ARID1B: variants seen among roughly 807,000 people sequenced by gnomAD.
The protein encoded by ARID1B is AT-rich interactive domain-containing protein 1B.
Under a neutral mutation model 212.3 loss-of-function variants are expected in ARID1B, and 30 were observed. The ratio of observed to expected loss-of-function variants is 0.14; its 90% CI spans 0.11 to 0.19. The LOEUF is 0.19. ARID1B is among the 10% of genes least tolerant of loss of function. The pLI is 1.00. For missense variants in ARID1B, 2,891 were observed against 3,204.0 expected, an observed-to-expected ratio of 0.90 and a Z score of 2.36; for synonymous variants, 1,402 against 1,301.7, an observed-to-expected ratio of 1.08 and a Z score of -1.66.
At chr6:157,077,890 A>G (rs1232150984) in intron 4 of ARID1B, among the ~76,000 whole-genome samples, 1 of 152,204 alleles carries the variant, frequency 6.6e-6, no homozygotes, top group Non-Finnish European at 1.5e-5. Context: ...GGGCTTGCTT[A>G]AGGGTGACTC....
intron 1 of ARID1B, among the ~76,000 whole-genome samples, chr6:156,825,362 CAT>C (rs747651489): frequency 2.0e-5 from 3 of 152,166 alleles, no homozygotes; most frequent in Admixed American, 6.5e-5. Flanking sequence ...TCTGAAGTCT[CAT>C]TGAAAGATAT....
intron 4 of ARID1B, among the ~76,000 whole-genome samples, chr6:156,977,954 G>A (rs979293538): frequency 1.3e-5 from 2 of 152,126 alleles, no homozygotes; most frequent in African/African-American, 4.8e-5. Flanking sequence ...AGGGCTCTGC[G>A]TGGTTTTCCC....
chr6:156,825,228 T>C (rs546995574), intron 1 of ARID1B, among the ~76,000 whole-genome samples: 2 of 152,320 alleles, frequency 1.3e-5, no homozygotes, highest in African/African-American at 4.8e-5. Flanking sequence ...AGTTGTACAT[T>C]TTTAATGCTC....
At chr6:156,890,209 T>TA (rs1787817237) in intron 2 of ARID1B, among the ~76,000 whole-genome samples, 1 of 152,220 alleles carries the variant, frequency 6.6e-6, no homozygotes, top group Non-Finnish European at 1.5e-5. Flanking sequence ...TCTGACCTAC[T>TA]ATTCACTTCA....
intron 4 of ARID1B, among the ~76,000 whole-genome samples, chr6:157,082,882 T>G (rs993456326): frequency 3.3e-5 from 5 of 152,246 alleles, no homozygotes; most frequent in Non-Finnish European, 5.9e-5. Flanking sequence ...GAAGACATTT[T>G]GTTTTTCTAT....
At position 157,184,428 on chromosome 6, in the gene ARID1B, A is replaced by C. The variant is rs1266145434; in HGVS notation, c.3912A>C (p.Pro1304=). ...DTKKQPKLQP[P]SPANSGSLQG... Reference sequence around the variant, plus strand: ...AAAAGCAGCCCAAGCTCCAGCCGCCATCTCCTGGTAAGTGGCGGCGCTGCA... The same window carrying C: ...AAAAGCAGCCCAAGCTCCAGCCGCCCTCTCCTGGTAAGTGGCGGCGCTGCA... Residue 1304 remains proline (P), a synonymous_variant, in exon 13 of 20, where the codon CCA becomes CCC. Coordinates refer to ENST00000636930, the MANE Select transcript of ARID1B (RefSeq NM_001374828.1). 1.2e-6 allele frequency: 2 copies of C among 1,614,052 alleles called. No homozygotes were observed. The highest frequency in any genetic ancestry group is 1.7e-6 in the Non-Finnish European group (2 of 1,180,030).
chr6:156,797,412 T>C (rs1780460021), intron 1 of ARID1B, among the ~76,000 whole-genome samples: 1 of 152,242 alleles, frequency 6.6e-6, no homozygotes, highest in African/African-American at 2.4e-5. Flanking sequence ...ATCGCAGCTA[T>C]TTCTCCAGTC....
rs529055648 is a variant in ARID1B, at chr6:156,791,173, C to T, written c.1791+11702C>T. On this transcript the variant is annotated intron_variant, in intron 1 of 19. Coordinates refer to ENST00000636930, the MANE Select transcript of ARID1B (RefSeq NM_001374828.1). The stretch of plus-strand genomic sequence containing the variant: ...CTGTTAAGATATTTGAGCCAGCTGG[C>T]TGTCAATATGTTGAAGTTTTATTCT... 5.3e-5 allele frequency among the ~76,000 whole-genome samples: 8 copies of T among 152,306 alleles called. No homozygotes were observed. In the East Asian group the frequency reaches 5.8e-4, roughly 11 times the overall value.
At chr6:156,912,870 A>G (rs1227433106) in intron 3 of ARID1B, among the ~76,000 whole-genome samples, 2 of 152,122 alleles carry the variant, frequency 1.3e-5, no homozygotes, top group Non-Finnish European at 2.9e-5. Context: ...CTCCCACCCC[A>G]AACAAAACAA....
rs986239819 is a variant in ARID1B at position 157,159,146 on chromosome 6, G to A, written c.3090-7894G>A. On this transcript the variant is annotated intron_variant, in intron 8 of 19. Coordinates refer to ENST00000636930, the MANE Select transcript of ARID1B (RefSeq NM_001374828.1). ...AGCCCATGTGCTGGGGATCAGCAGG[G>A]AAAAGCTGAAATCAGAATCTCTGAA... 2.0e-5 allele frequency among the ~76,000 whole-genome samples: 3 copies of A among 152,312 alleles called. No individual in the cohort carries two copies. The East Asian group carries it at 5.8e-4, about 29-fold the overall frequency.
chr6:156,778,416 A>G lies in ARID1B; in HGVS notation c.736A>G (p.Lys246Glu), dbSNP rs2114973815. Reference protein sequence around the residue: ...DMEQPQHGGAKDSAAGGQADP... With the variant: ...DMEQPQHGGAEDSAAGGQADP... ...GGAGCAGCCGCAACATGGAGGCGCC[A>G]AGGACAGTGCTGCGGGCGGCCAGGC... The change falls in exon 1 of 20, where the codon AAG becomes GAG. Residue 246 changes from lysine (K) to glutamate (E), a missense_variant. Around this residue, in one of 7 missense-constraint regions of ARID1B, gnomAD observed 1,643 missense variants for 1,544.0 expected, o/e 1.06. Coordinates refer to ENST00000636930, the MANE Select transcript of ARID1B (RefSeq NM_001374828.1). The G allele has an allele frequency of 6.5e-7, 1 of 1,529,824 alleles. No individual in the cohort carries two copies. The highest frequency in any genetic ancestry group is 8.7e-7 in the Non-Finnish European group (1 of 1,143,512). 94.8% of individuals were successfully genotyped at this position (1,529,824 alleles called of 1,614,324 possible).
chr6:156,792,716 G>T (rs901288463), intron 1 of ARID1B, among the ~76,000 whole-genome samples: 3 of 152,182 alleles, frequency 2.0e-5, no homozygotes, highest in African/African-American at 7.2e-5. Context: ...GAGTGCTTTT[G>T]TATAGCTTTC....
chr6:156,864,933 AT>A (rs542260559), intron 2 of ARID1B, among the ~76,000 whole-genome samples: 2 of 152,050 alleles, frequency 1.3e-5, no homozygotes, highest in Non-Finnish European at 2.9e-5. Flanking sequence ...TTCGTAAATA[AT>A]TTTTTTTAAA....
At chr6:156,862,987 T>C (rs1406976752) in intron 2 of ARID1B, among the ~76,000 whole-genome samples, 2 of 152,196 alleles carry the variant, frequency 1.3e-5, no homozygotes, top group Non-Finnish European at 2.9e-5. Context: ...TGACGGAATA[T>C]GGGCCTGCGC....
chr6:156,878,278 C>A (rs1786733799), intron 2 of ARID1B, among the ~76,000 whole-genome samples: 1 of 152,000 alleles, frequency 6.6e-6, no homozygotes. Flanking sequence ...CGAGTCTAGC[C>A]AATTCAAGCA....
At chr6:157,144,500 G>A (rs987809903) in intron 7 of ARID1B, among the ~76,000 whole-genome samples, 19 of 152,184 alleles carry the variant, frequency 1.2e-4, no homozygotes, top group Non-Finnish European at 2.8e-4. Flanking sequence ...TTCAAACTAT[G>A]AATGAGTATA....
At chr6:157,000,716 T>TTTTTTTTTA (rs1778863620) in intron 4 of ARID1B, among the ~76,000 whole-genome samples, 1 of 102,396 alleles carries the variant, frequency 9.8e-6, no homozygotes, top group Non-Finnish European at 1.9e-5. Context: ...TTTTTTTTTT[T>TTTTTTTTTA]GAGACAGAGT....
chr6:156,991,818 T>A (rs1331793634), intron 4 of ARID1B, among the ~76,000 whole-genome samples: 2 of 152,234 alleles, frequency 1.3e-5, no homozygotes, highest in Non-Finnish European at 2.9e-5. Context: ...TGAAATGAGA[T>A]GCATTATCTA....
At chr6:157,139,726 TA>T (rs1161059206) in intron 7 of ARID1B, among the ~76,000 whole-genome samples, 37 of 151,404 alleles carry the variant, frequency 2.4e-4, no homozygotes, top group African/African-American at 8.0e-4. Flanking sequence ...ATATAATTAT[TA>T]TTTTTTTTTT....
Sources: allele counts gnomAD v4.1 joint callset (sites outside exome capture counted in the v4.1 genomes callset), GRCh38; gene constraint gnomAD v4.1.1; regional missense constraint gnomAD v4.1.1; transcripts MANE v1.5; gene names NCBI Gene and HGNC (gene_info 2026-07-23, HGNC 2026-07-21).